GRIN3A: variants seen among roughly 807,000 people sequenced by gnomAD.
GRIN3A encodes glutamate receptor ionotropic, NMDA 3A.
Under a neutral mutation model 92.4 loss-of-function variants are expected in GRIN3A, and 47 were observed. The observed-to-expected ratio is 0.51, with a 90% CI of 0.40 to 0.65. GRIN3A has a LOEUF of 0.65. Ranked by LOEUF, GRIN3A falls within the 30% of genes least tolerant of loss-of-function variation. The probability of loss-of-function intolerance (pLI) is 0.00; values close to 1 mark genes in which losing one functional copy is unlikely to be tolerated. For missense variants in GRIN3A, 1,324 were observed against 1,393.1 expected, an observed-to-expected ratio of 0.95 and a Z score of 0.79; for synonymous variants, 527 against 540.6, an observed-to-expected ratio of 0.97 and a Z score of 0.35.
At chr9:101,580,573 A>T (rs575342170) in intron 6 of GRIN3A, among the ~76,000 whole-genome samples, 4 of 152,206 alleles carry the variant, frequency 2.6e-5, no homozygotes, top group Non-Finnish European at 5.9e-5. Context: ...GGTAGGGAAC[A>T]TGGAAATCAT....
At chr9:101,668,833 G>A (rs183973234) in intron 3 of GRIN3A, among the ~76,000 whole-genome samples, 1 of 152,102 alleles carries the variant, frequency 6.6e-6, no homozygotes, top group East Asian at 1.9e-4. Context: ...AATCTTTAAA[G>A]CTGCCACCAG....
chr9:101,736,423 G>A (rs1350511756), intron 1 of GRIN3A, among the ~76,000 whole-genome samples: 1 of 151,872 alleles, frequency 6.6e-6, no homozygotes, highest in Non-Finnish European at 1.5e-5. Context: ...TCAACGTTAA[G>A]TTCACAAATA....
chr9:101,590,828 A>T (rs1392829967), intron 6 of GRIN3A, among the ~76,000 whole-genome samples: 1 of 152,210 alleles, frequency 6.6e-6, no homozygotes, highest in Non-Finnish European at 1.5e-5. Flanking sequence ...TACTTTTTTT[A>T]AATAAAAAAT....
chr9:101,668,072 T>C (rs1302511160), intron 3 of GRIN3A, among the ~76,000 whole-genome samples: 1 of 152,158 alleles, frequency 6.6e-6, no homozygotes, highest in African/African-American at 2.4e-5. Flanking sequence ...CTACTGGCTT[T>C]GTGTTGTGGA....
intron 2 of GRIN3A, among the ~76,000 whole-genome samples, chr9:101,685,308 C>CTTTTTT (rs35028586): frequency 1.4e-4 from 16 of 115,188 alleles, no homozygotes; most frequent in Non-Finnish European, 1.8e-4. Flanking sequence ...TTTATCATGT[C>CTTTTTT]TTTTTTTTTT....
At chr9:101,613,645 T>A in intron 5 of GRIN3A, 118 bp from the exon 6 acceptor site, 1 of 925,790 alleles carries the variant, frequency 1.1e-6, no homozygotes, top group Non-Finnish European at 1.7e-6. Context: ...TGAGTTTTCA[T>A]CAACTTTCTT....
intron 5 of GRIN3A, among the ~76,000 whole-genome samples, chr9:101,622,994 A>AC (rs1828578278): frequency 8.0e-6 from 1 of 125,062 alleles, no homozygotes; most frequent in African/African-American, 3.7e-5. Context: ...CCCTGCCACT[A>AC]AACACACACA....
intron 1 of GRIN3A, among the ~76,000 whole-genome samples, chr9:101,711,135 G>GAATGGC (rs1475063908): frequency 1.3e-5 from 2 of 152,160 alleles, no homozygotes; most frequent in African/African-American, 4.8e-5. Context: ...GAAGTGAGGT[G>GAATGGC]AATGGCATTG....
intron 2 of GRIN3A, among the ~76,000 whole-genome samples, chr9:101,677,605 T>C (rs1452596866): frequency 6.6e-6 from 1 of 152,066 alleles, no homozygotes; most frequent in Non-Finnish European, 1.5e-5. Context: ...TTTTCCCTTT[T>C]CTTACGGCCC....
chr9:101,609,397 G>C (rs537966382), intron 6 of GRIN3A, among the ~76,000 whole-genome samples: 1 of 152,290 alleles, frequency 6.6e-6, no homozygotes, highest in East Asian at 1.9e-4. Context: ...CTTATTCTTA[G>C]AACAAAATGG....
intron 1 of GRIN3A, among the ~76,000 whole-genome samples, chr9:101,706,855 T>G (rs1027378274): frequency 1.3e-5 from 2 of 152,198 alleles, no homozygotes; most frequent in African/African-American, 4.8e-5. Flanking sequence ...AGAGAAATAA[T>G]GAGAGTGAAT....
intron 2 of GRIN3A, among the ~76,000 whole-genome samples, chr9:101,683,863 AG>A (rs1829495704): frequency 6.6e-6 from 1 of 151,946 alleles, no homozygotes; most frequent in South Asian, 2.1e-4. Context: ...AGAGAGAGAG[AG>A]AGAGAGAGAG....
chr9:101,624,210 T>A (rs902908650), intron 4 of GRIN3A, among the ~76,000 whole-genome samples: 10 of 151,594 alleles, frequency 6.6e-5, no homozygotes, highest in African/African-American at 1.9e-4. Flanking sequence ...TTTTTAAAAA[T>A]TTTTTTTATT....
intron 3 of GRIN3A, among the ~76,000 whole-genome samples, chr9:101,629,844 C>G (rs994538106): frequency 1.4e-4 from 21 of 152,160 alleles, no homozygotes; most frequent in African/African-American, 5.1e-4. Context: ...GGCATAAGGT[C>G]ATGCAGTTGT....
intron 3 of GRIN3A, among the ~76,000 whole-genome samples, chr9:101,653,319 AG>A (rs1427729516): frequency 7.8e-6 from 1 of 128,608 alleles, no homozygotes; most frequent in Non-Finnish European, 1.7e-5. Context: ...CTTAGCACAG[AG>A]CTTTTCAGAG....
At chr9:101,692,140 A>G (rs1240035200) in intron 1 of GRIN3A, among the ~76,000 whole-genome samples, 1 of 152,130 alleles carries the variant, frequency 6.6e-6, no homozygotes, top group Non-Finnish European at 1.5e-5. Context: ...ATTTTCATAC[A>G]ATGGTCTCAG....
chr9:101,710,978 T>C (rs1829870007), intron 1 of GRIN3A, among the ~76,000 whole-genome samples: 1 of 152,174 alleles, frequency 6.6e-6, no homozygotes, highest in Non-Finnish European at 1.5e-5. Context: ...TAACAATAAC[T>C]AATAACAAAA....
intron 5 of GRIN3A, among the ~76,000 whole-genome samples, chr9:101,621,199 C>T (rs575894826): frequency 2.0e-3 from 309 of 151,240 alleles, no homozygotes; most frequent in African/African-American, 6.7e-3. Context: ...GCATGAGAAT[C>T]GCTTGAACCT....
chr9:101,622,463 C>T (rs955969266), intron 5 of GRIN3A, among the ~76,000 whole-genome samples: 4 of 152,112 alleles, frequency 2.6e-5, no homozygotes, highest in Admixed American at 6.5e-5. Flanking sequence ...ATATATCAAC[C>T]GTCATTCAGA....
Sources: gnomAD v4.1 joint callset for allele counts (sites outside exome capture counted in the v4.1 genomes callset) on GRCh38, gnomAD v4.1.1 for gene constraint, MANE v1.5 for transcripts, NCBI Gene and HGNC (gene_info 2026-07-23, HGNC 2026-07-21) for gene names.